PTPRD: variants seen among roughly 807,000 people sequenced by gnomAD.
PTPRD encodes the protein protein tyrosine phosphatase receptor type D.
In PTPRD, 34 loss-of-function variants were observed where a neutral mutation model predicts 214.5. The ratio of observed to expected loss-of-function variants is 0.16; its 90% CI spans 0.12 to 0.21. PTPRD has a LOEUF of 0.21. PTPRD is among the 10% of genes least tolerant of loss of function. The pLI is 1.00. For synonymous variants in PTPRD, 1,128 were observed against 845.7 expected (o/e 1.33, Z -5.79); for missense variants, 2,545 against 2,398.7 (o/e 1.06, Z -1.27).
In PTPRD at chr9:10,081,038, A is replaced by C. The variant is rs139345178; in HGVS notation, c.-544-47248T>G. On this transcript the variant is annotated intron_variant, in intron 3 of 45. Transcript: ENST00000381196. The stretch of plus-strand genomic sequence containing the variant: ...ATATTTCTTAATTTATAACACCCAA[A>C]TAACTTGTATGGAATATCTACTAAG... Among the ~76,000 whole-genome samples, 688 of 152,208 alleles carry C rather than the reference A, an allele frequency of 4.5e-3. 6 individuals carry two copies. Among genetic ancestry groups the C allele is most frequent in the African/African-American group, 0.015 (638 of 41,558 alleles).
rs1403223631 is a variant in PTPRD, at chr9:9,953,498, A to C, written c.-471-14888T>G. 2.6e-5 allele frequency among the ~76,000 whole-genome samples: 3 copies of C among 115,868 alleles called. No homozygotes were observed. The Admixed American group carries it at 3.1e-4, about 12-fold the overall frequency. The allele number at this position is 115,868 out of a possible 152,430, so 76.0% of individuals were successfully genotyped here. ...TTAAAATAGAGGGAATTGTGGACAC[A>C]CACACACACACACACACACACACAC... On this transcript the variant is annotated intron_variant, in intron 4 of 45. Coordinates refer to ENST00000381196, the MANE Select transcript of PTPRD (RefSeq NM_002839.4).
chr9:8,508,736 T>C (rs1480322240), intron 21 of PTPRD, among the ~76,000 whole-genome samples: 9 of 152,170 alleles, frequency 5.9e-5, no homozygotes, highest in Non-Finnish European at 2.9e-5. Flanking sequence ...AGAAAATGTA[T>C]TGCTTTCCTT....
intron 3 of PTPRD, among the ~76,000 whole-genome samples, chr9:10,224,530 A>G (rs936562514): frequency 2.0e-5 from 3 of 152,096 alleles, no homozygotes; most frequent in Admixed American, 1.3e-4. Flanking sequence ...TTCTCTACTT[A>G]AACACTTAAG....
At chr9:9,607,879 A>G (rs983417425) in intron 7 of PTPRD, among the ~76,000 whole-genome samples, 14 of 152,174 alleles carry the variant, frequency 9.2e-5, no homozygotes, top group Non-Finnish European at 1.6e-4. Flanking sequence ...TGACAAAAAA[A>G]AAATTTAGAA....
At chr9:9,835,413 T>A (rs1216603757) in intron 5 of PTPRD, among the ~76,000 whole-genome samples, 6 of 152,138 alleles carry the variant, frequency 3.9e-5, no homozygotes, top group Admixed American at 1.3e-4. Flanking sequence ...GAAGGCTTTC[T>A]AACTTGTAAA....
chr9:9,196,201 G>C (rs1043456450), intron 9 of PTPRD, among the ~76,000 whole-genome samples: 1 of 152,274 alleles, frequency 6.6e-6, no homozygotes, highest in Admixed American at 6.5e-5. Flanking sequence ...TCCAAAACAT[G>C]AGTAATTACT....
intron 10 of PTPRD, among the ~76,000 whole-genome samples, chr9:9,130,879 C>T (rs751964376): frequency 2.0e-5 from 3 of 152,118 alleles, no homozygotes; most frequent in Non-Finnish European, 4.4e-5. Context: ...AAATTACTTA[C>T]GAATCAAATG....
At chr9:9,923,767 A>T (rs1001265699) in intron 5 of PTPRD, among the ~76,000 whole-genome samples, 3 of 151,928 alleles carry the variant, frequency 2.0e-5, no homozygotes, top group African/African-American at 7.2e-5. Context: ...TCTAAAATGT[A>T]TACTTCTCAT....
At chr9:9,026,167 A>G (rs1007362046) in intron 10 of PTPRD, among the ~76,000 whole-genome samples, 17 of 151,966 alleles carry the variant, frequency 1.1e-4, no homozygotes, top group Non-Finnish European at 2.1e-4. Flanking sequence ...TGAGATCTTA[A>G]CAAAAGAAAG....
intron 2 of PTPRD, among the ~76,000 whole-genome samples, chr9:10,515,178 C>G (rs549416796): frequency 3.4e-4 from 51 of 152,104 alleles, no homozygotes; most frequent in African/African-American, 1.1e-3. Flanking sequence ...TAACACAGCA[C>G]CAAACACACT....
Position 9,279,549 on chromosome 9 carries a change from C to T in PTPRD, c.-202-96186G>A, listed in dbSNP as rs757722477. Among the ~76,000 whole-genome samples, 222 of 150,212 alleles carry T rather than the reference C, an allele frequency of 1.5e-3. 1 individual carries two copies. Among genetic ancestry groups the T allele is most frequent in the Middle Eastern group, 6.8e-3 (2 of 294 alleles). On this transcript the variant is annotated intron_variant, in intron 9 of 45. Transcript: ENST00000381196. The stretch of plus-strand genomic sequence containing the variant: ...CATTCACATATTCTTTTTTAAATTT[C>T]GTTTTTGTAAAAGTCAGTATTTCTA...
intron 7 of PTPRD, among the ~76,000 whole-genome samples, chr9:9,728,153 G>A (rs1324509255): frequency 1.3e-5 from 2 of 152,042 alleles, no homozygotes; most frequent in Non-Finnish European, 2.9e-5. Context: ...TTCACCTTCT[G>A]CCATGATTGT....
chr9:9,440,595 G>A (rs2087220144), intron 8 of PTPRD, among the ~76,000 whole-genome samples: 1 of 152,148 alleles, frequency 6.6e-6, no homozygotes, highest in South Asian at 2.1e-4. Flanking sequence ...AAGTCTCCAA[G>A]GAATGATACT....
chr9:10,025,286 G>C (rs10809015), intron 4 of PTPRD, among the ~76,000 whole-genome samples: 64,281 of 151,538 alleles, frequency 0.42, 16,059 homozygotes, highest in Middle Eastern at 0.61. Context: ...ATCCTCTCCA[G>C]CATCTGTTGT....
In PTPRD at chr9:8,705,580, C is replaced by T. The variant is rs150707545; in HGVS notation, c.64+28200G>A. On this transcript the variant is annotated intron_variant, in intron 12 of 45. Transcript: ENST00000381196. ...CAACATTTCCTTGTCTCTTAAAATT[C>T]ATAAGAAGCAACAGCAAAGAAGACA... Among the ~76,000 whole-genome samples the T allele has an allele frequency of 8.9e-3, 1,353 of 152,190 alleles. 8 individuals are homozygous for T. Among genetic ancestry groups the T allele is most frequent in the Non-Finnish European group, 0.012 (827 of 68,004 alleles).
intron 9 of PTPRD, among the ~76,000 whole-genome samples, chr9:9,268,785 A>G (rs1453228271): frequency 6.7e-6 from 1 of 149,706 alleles, no homozygotes. Context: ...TTATGGTGCC[A>G]GGAAAACTTG....
intron 3 of PTPRD, among the ~76,000 whole-genome samples, chr9:10,208,903 G>A (rs888502308): frequency 6.6e-6 from 1 of 152,024 alleles, no homozygotes; most frequent in African/African-American, 2.4e-5. Context: ...TTATCCTACC[G>A]GACCATTTAT....
chr9:9,459,391 T>C (rs972394399), intron 8 of PTPRD, among the ~76,000 whole-genome samples: 3 of 152,086 alleles, frequency 2.0e-5, no homozygotes, highest in African/African-American at 7.2e-5. Flanking sequence ...GGCATCTAAA[T>C]TGGAAGAGAG....
At chr9:9,871,461 G>A (rs2065404393) in intron 5 of PTPRD, among the ~76,000 whole-genome samples, 1 of 152,162 alleles carries the variant, frequency 6.6e-6, no homozygotes, top group Non-Finnish European at 1.5e-5. Context: ...GTATACGAAA[G>A]GATGGGTGAA....
Sources: gnomAD v4.1 joint callset for allele counts (sites outside exome capture counted in the v4.1 genomes callset) on GRCh38, gnomAD v4.1.1 for gene constraint, MANE v1.5 for transcripts, NCBI Gene and HGNC (gene_info 2026-07-23, HGNC 2026-07-21) for gene names.